The following PCDHGA11 variants were observed in gnomAD, a reference collection of about 807,000 sequenced individuals.
PCDHGA11 encodes the protein protocadherin gamma-A11.
A neutral mutation model predicts 60.4 loss-of-function variants in PCDHGA11; 39 were observed. The observed-to-expected ratio is 0.65, with a 90% confidence interval of 0.50 to 0.84. PCDHGA11 has a LOEUF of 0.84. Ranked by LOEUF, PCDHGA11 falls within the 40% of genes least tolerant of loss-of-function variation. The probability of loss-of-function intolerance (pLI) is 0.00; values close to 1 mark genes in which losing one functional copy is unlikely to be tolerated. For synonymous variants in PCDHGA11, 533 were observed against 510.3 expected (o/e 1.04, Z -0.60); for missense variants, 1,165 against 1,197.7 (o/e 0.97, Z 0.40).
rs1271794821 is a variant in PCDHGA11 at position 141,422,847 on chromosome 5, C to G, written c.1620C>G (p.Asp540Glu). ...GAGTGATAGCACGTGACAGCGGGGA[C>G]CCGCCCCTCAGCAGCAACGTGTCGC... ...ELRVIARDSG[D>E]PPLSSNVSLS... Residue 540 changes from aspartate (D) to glutamate (E), a missense_variant, in exon 1 of 4, where the codon GAC (aspartate) becomes GAG (glutamate). Transcript: ENST00000398587. 7.4e-6 allele frequency: 12 copies of G among 1,614,234 alleles called. No homozygotes were observed. Among genetic ancestry groups the G allele is most frequent in the Non-Finnish European group, 1.0e-5 (12 of 1,180,042 alleles).
At chr5:141,472,980 C>CAAAAAAAAAAAAAAAAAAAAAA (rs60579131) in intron 1 of PCDHGA11, among the ~76,000 whole-genome samples, 6 of 86,102 alleles carry the variant, frequency 7.0e-5, no homozygotes, top group African/African-American at 1.2e-4. Flanking sequence ...GAGTGAAACT[C>CAAAAAAAAAAAAAAAAAAAAAA]AAAAAAAAAA....
At position 141,490,328 on chromosome 5, in the gene PCDHGA11, C is replaced by T; in HGVS notation, c.2434-4479C>T. 2 of 1,614,228 alleles carry T rather than the reference C, an allele frequency of 1.2e-6. No homozygotes were observed. Among genetic ancestry groups the T allele is most frequent in the Non-Finnish European group, 1.7e-6 (2 of 1,180,048 alleles). Reference sequence around the variant, plus strand: ...TTGGCCAACCCTGTCCTAGAGAGCACACCAGTGGGCACAGTAGTGGGGTTG... The same window carrying T: ...TTGGCCAACCCTGTCCTAGAGAGCATACCAGTGGGCACAGTAGTGGGGTTG... On this transcript the variant is annotated intron_variant, in intron 1 of 3. Coordinates refer to ENST00000398587, the MANE Select transcript of PCDHGA11 (RefSeq NM_018914.3). The surrounding 1 kb of genome is among the most constrained non-coding windows in gnomAD (Gnocchi z 5.4).
chr5:141,482,000 G>A (rs1421859839), intron 1 of PCDHGA11, among the ~76,000 whole-genome samples: 8 of 150,854 alleles, frequency 5.3e-5, no homozygotes, highest in East Asian at 1.9e-4. Flanking sequence ...CAGGAGAATC[G>A]CTTTATCTCA....
rs539719239 is a variant in PCDHGA11, at chr5:141,431,888, G to A, written c.2433+8228G>A. The A allele has an allele frequency of 6.2e-7, 1 of 1,614,200 alleles. No homozygotes were observed. The highest frequency in any genetic ancestry group is 1.7e-5 in the Admixed American group (1 of 60,036). On this transcript the variant is annotated intron_variant, in intron 1 of 3. Coordinates refer to ENST00000398587, the MANE Select transcript of PCDHGA11 (RefSeq NM_018914.3). The surrounding 1 kb of genome is among the most constrained non-coding windows in gnomAD (Gnocchi z 4.8). ...TTTAAATGTAAATGACCAAGATTCT[G>A]AGGAAAACGGACAGGTGATCTGTTT... is the stretch of plus-strand genomic sequence containing the variant.
rs781550738 is a variant in PCDHGA11 at position 141,487,383 on chromosome 5, C to A, written c.2434-7424C>A. On this transcript the variant is annotated intron_variant, in intron 1 of 3. Transcript: ENST00000398587. This position sits in a 1 kb window ranked among gnomAD's most constrained non-coding sequence, Gnocchi z 5.0. Reference sequence around the variant, plus strand: ...GGCACCTGTGCCTGTCTCACCAGATCTCGAAGGAGGGAGGGGCTTCCCCCT... The same window carrying A: ...GGCACCTGTGCCTGTCTCACCAGATATCGAAGGAGGGAGGGGCTTCCCCCT... The A allele has an allele frequency of 3.7e-6, 6 of 1,614,196 alleles. No individual in the cohort carries two copies. The South Asian group carries it at 6.6e-5, about 18-fold the overall frequency.
Position 141,421,965 on chromosome 5 carries a change from C to A in PCDHGA11, c.738C>A (p.Ser246=). 1 of 1,610,360 alleles carries A rather than the reference C, an allele frequency of 6.2e-7. No homozygotes were observed. The highest frequency in any genetic ancestry group is 8.5e-7 in the Non-Finnish European group (1 of 1,178,258). The part of the protein sequence containing the change: ...VNDHIPMFTQ[S]VYRVSVPENI... ...ATCACATCCCAATGTTTACACAGTC[C>A]GTATATCGCGTGAGTGTTCCAGAAA... The change falls in exon 1 of 4, where the codon TCC becomes TCA. Residue 246 remains serine (S), a synonymous_variant. Transcript: ENST00000398587.
rs2099637746 is a variant in PCDHGA11, at chr5:141,486,980, A to G, written c.2434-7827A>G. Reference sequence around the variant, plus strand: ...TGCTGTGGACTTGGATTCAGGTTACAATGCTTGGGTTTCCTATCAGCTCCT... The same window carrying G: ...TGCTGTGGACTTGGATTCAGGTTACGATGCTTGGGTTTCCTATCAGCTCCT... On this transcript the variant is annotated intron_variant, in intron 1 of 3. Coordinates refer to ENST00000398587, the MANE Select transcript of PCDHGA11 (RefSeq NM_018914.3). This position sits in a 1 kb window ranked among gnomAD's most constrained non-coding sequence, Gnocchi z 5.0. The G allele has an allele frequency of 1.2e-6, 2 of 1,614,040 alleles. No individual in the cohort carries two copies. The highest frequency in any genetic ancestry group is 1.3e-5 in the African/African-American group (1 of 74,908).
chr5:141,477,890 C>A lies in PCDHGA11; in HGVS notation c.2434-16917C>A, dbSNP rs202114426. On this transcript the variant is annotated intron_variant, in intron 1 of 3. Transcript: ENST00000398587. This position sits in a 1 kb window ranked among gnomAD's most constrained non-coding sequence, Gnocchi z 4.9. ...TACCTCAGCTGGCCACCTAGTGTCA[C>A]GGGTGGTAGGCTGGGACGCGGATGC... is the stretch of plus-strand genomic sequence containing the variant. 3.1e-6 allele frequency: 5 copies of A among 1,614,204 alleles called. 1 individual carries two copies. In the Admixed American group the frequency reaches 8.3e-5, roughly 27 times the overall value.
chr5:141,500,493 G>A (rs1239876467), intron 2 of PCDHGA11, among the ~76,000 whole-genome samples: 1 of 152,166 alleles, frequency 6.6e-6, no homozygotes, highest in Admixed American at 6.5e-5. Context: ...ACAGGCGTGA[G>A]CCACCGCGCC....
intron 1 of PCDHGA11, chr5:141,430,857 A>C (rs748992376): frequency 1.9e-6 from 3 of 1,591,316 alleles, no homozygotes; most frequent in Non-Finnish European, 2.6e-6. Flanking sequence ...CAGATACGCT[A>C]TTCAGTTCCG....
chr5:141,430,951 C>A, intron 1 of PCDHGA11: 3 of 1,610,496 alleles, frequency 1.9e-6, no homozygotes, highest in Non-Finnish European at 2.5e-6. Flanking sequence ...AGCGCGGAGT[C>A]CGCATCATCC....
At chr5:141,484,468 C>T (rs2099596877) in intron 1 of PCDHGA11, among the ~76,000 whole-genome samples, 1 of 152,200 alleles carries the variant, frequency 6.6e-6, no homozygotes, top group South Asian at 2.1e-4. Context: ...ATGTGTAAGC[C>T]TTTTCTGCAA....
intron 1 of PCDHGA11, among the ~76,000 whole-genome samples, chr5:141,455,406 CAG>C (rs1306843200): frequency 3.3e-5 from 5 of 152,226 alleles, no homozygotes; most frequent in Non-Finnish European, 5.9e-5. Flanking sequence ...CTTACAGAGA[CAG>C]AGGGAGCGGG....
chr5:141,464,640 C>T (rs1482089475), intron 1 of PCDHGA11, among the ~76,000 whole-genome samples: 2 of 151,952 alleles, frequency 1.3e-5, no homozygotes, highest in Admixed American at 6.6e-5. Context: ...TTGTTGCCAA[C>T]CTGATGGGTA....
chr5:141,437,217 T>G (rs2097868672), intron 1 of PCDHGA11, among the ~76,000 whole-genome samples: 1 of 152,230 alleles, frequency 6.6e-6, no homozygotes, highest in Admixed American at 6.5e-5. Flanking sequence ...TTATTCTGAT[T>G]CCAGTCATAA....
At position 141,486,602 on chromosome 5, in the gene PCDHGA11, C is replaced by T; in HGVS notation, c.2434-8205C>T. The stretch of plus-strand genomic sequence containing the variant: ...TCGCCCAGGGGACCTGCTTTGCTCC[C>T]TTGCAGCCTCTGACCCAGACTCTGG... On this transcript the variant is annotated intron_variant, in intron 1 of 3. Transcript: ENST00000398587. The surrounding 1 kb of genome is among the most constrained non-coding windows in gnomAD (Gnocchi z 5.0). 6.2e-7 allele frequency: 1 copy of T among 1,613,572 alleles called. No homozygotes were observed. Among genetic ancestry groups the T allele is most frequent in the Non-Finnish European group, 8.5e-7 (1 of 1,180,026 alleles).
At position 141,477,758 on chromosome 5, in the gene PCDHGA11, G is replaced by A; in HGVS notation, c.2434-17049G>A. 2 of 1,613,924 alleles carry A rather than the reference G, an allele frequency of 1.2e-6. No homozygotes were observed. The highest frequency in any genetic ancestry group is 1.7e-5 in the Admixed American group (1 of 60,022). On this transcript the variant is annotated intron_variant, in intron 1 of 3. Transcript: ENST00000398587. The surrounding 1 kb of genome is among the most constrained non-coding windows in gnomAD (Gnocchi z 4.9). ...CAGCGATGGGGGCACCCCGGTCCTA[G>A]CCACCAACATCAGCGTGAACATATT...
chr5:141,423,466 G>C lies in PCDHGA11; in HGVS notation c.2239G>C (p.Val747Leu), dbSNP rs770939556. Reference protein sequence around the residue: ...PTSHFVGVDGVQAFLQTYSHE... With the variant: ...PTSHFVGVDGLQAFLQTYSHE... ...GTCACATTTTGTAGGCGTGGACGGG[G>C]TACAGGCTTTCCTGCAAACCTATTC... The change falls in exon 1 of 4, where the codon GTA (valine) becomes CTA (leucine). Residue 747 changes from valine (V) to leucine (L), a missense_variant. Val to Leu is a conservative substitution (Grantham distance 32). Transcript: ENST00000398587. 1.2e-6 allele frequency: 2 copies of C among 1,613,904 alleles called. No homozygotes were observed. The highest frequency in any genetic ancestry group is 3.3e-5 in the Admixed American group (2 of 60,012).
At chr5:141,430,612 G>A (rs1406353008) in intron 1 of PCDHGA11, 2 of 680,678 alleles carry the variant, frequency 2.9e-6, no homozygotes, top group African/African-American at 3.7e-5. Flanking sequence ...GCACAAAGCA[G>A]ATAGCTAGGA....
Sources: gnomAD v4.1 joint callset for allele counts (sites outside exome capture counted in the v4.1 genomes callset) on GRCh38, gnomAD v4.1.1 for gene constraint, Gnocchi (gnomAD v3.1) non-coding constraint, MANE v1.5 for transcripts, NCBI Gene and HGNC (gene_info 2026-07-23, HGNC 2026-07-21) for gene names.